LIMS1: variants seen among roughly 807,000 people sequenced by gnomAD.
The protein encoded by LIMS1 is LIM zinc finger domain containing 1.
LIMS1 carries 18 observed loss-of-function variants against 44.1 expected under a neutral mutation model. The ratio of observed to expected loss-of-function variants is 0.41; its 90% confidence interval spans 0.28 to 0.61. The LOEUF (loss-of-function observed/expected upper bound fraction) is 0.61. Ranked by LOEUF, LIMS1 falls within the 20% of genes least tolerant of loss-of-function variation. The pLI is 0.32. For synonymous variants in LIMS1, 93 were observed against 149.1 expected, an observed-to-expected ratio of 0.62 and a Z score of 2.74; for missense variants, 201 against 422.0, an observed-to-expected ratio of 0.48 and a Z score of 4.59.
intron 1 of LIMS1, among the ~76,000 whole-genome samples, chr2:108,551,922 T>C (rs1022484828): frequency 2.8e-5 from 2 of 72,038 alleles, no homozygotes; most frequent in Non-Finnish European, 5.1e-5. Flanking sequence ...TGTGTATATG[T>C]GTATATATGT....
At chr2:108,650,268 T>G (rs964021200) in intron 1 of LIMS1, among the ~76,000 whole-genome samples, 9 of 152,196 alleles carry the variant, frequency 5.9e-5, no homozygotes, top group African/African-American at 1.9e-4. Context: ...AGCTATGGTG[T>G]TTATTCGGAA....
At chr2:108,635,402 TG>T (rs1185532774) in intron 1 of LIMS1, among the ~76,000 whole-genome samples, 8 of 113,276 alleles carry the variant, frequency 7.1e-5, no homozygotes, top group East Asian at 2.8e-4. Context: ...CACTCCAGCC[TG>T]GGGGGAAAGA....
intron 1 of LIMS1, among the ~76,000 whole-genome samples, chr2:108,540,544 A>G (rs151086088): frequency 6.6e-6 from 1 of 152,262 alleles, no homozygotes; most frequent in Non-Finnish European, 1.5e-5. Flanking sequence ...TCGTGGTAGT[A>G]TTTATATAGT....
At chr2:108,536,325 C>T (rs1684139927) in intron 1 of LIMS1, among the ~76,000 whole-genome samples, 1 of 152,184 alleles carries the variant, frequency 6.6e-6, no homozygotes. Flanking sequence ...TTCTCCATTC[C>T]CCTCCTCCCG....
intron 1 of LIMS1, among the ~76,000 whole-genome samples, chr2:108,596,031 A>G (rs1269578468): frequency 6.6e-6 from 1 of 152,158 alleles, no homozygotes; most frequent in African/African-American, 2.4e-5. Context: ...ATCTCCTAGT[A>G]TTCACTTGCA....
chr2:108,669,867 C>T (rs1416899541), intron 2 of LIMS1, among the ~76,000 whole-genome samples: 1 of 152,156 alleles, frequency 6.6e-6, no homozygotes, highest in Admixed American at 6.5e-5. Context: ...TTCACTATCA[C>T]TAAGATATGC....
At chr2:108,683,357 C>T (rs1038314741) in intron 9 of LIMS1, among the ~76,000 whole-genome samples, 1 of 151,862 alleles carries the variant, frequency 6.6e-6, no homozygotes, top group Non-Finnish European at 1.5e-5. Context: ...CTAGGCAATA[C>T]GACAGGACCC....
intron 1 of LIMS1, among the ~76,000 whole-genome samples, chr2:108,620,135 C>G (rs1688157962): frequency 1.3e-5 from 2 of 152,158 alleles, no homozygotes; most frequent in Admixed American, 1.3e-4. Context: ...GAACTAGCAT[C>G]TGTGTCCTAA....
intron 1 of LIMS1, among the ~76,000 whole-genome samples, chr2:108,554,073 A>G (rs1684844827): frequency 6.6e-6 from 1 of 152,162 alleles, no homozygotes. Context: ...GGGCCCTGGA[A>G]TTTCCGATCC....
chr2:108,558,318 C>T (rs550966753), intron 1 of LIMS1, among the ~76,000 whole-genome samples: 5 of 151,506 alleles, frequency 3.3e-5, no homozygotes, highest in African/African-American at 1.2e-4. Flanking sequence ...CGTGGGTTCA[C>T]GCCATTCTCC....
chr2:108,663,824 G>A (rs1287407941), intron 2 of LIMS1, among the ~76,000 whole-genome samples: 1 of 151,224 alleles, frequency 6.6e-6, no homozygotes, highest in East Asian at 2.0e-4. Context: ...GTGCGATCTT[G>A]GCTCACCGCA....
chr2:108,634,761 G>A (rs1689121043), intron 1 of LIMS1, among the ~76,000 whole-genome samples: 1 of 152,248 alleles, frequency 6.6e-6, no homozygotes, highest in South Asian at 2.1e-4. Context: ...TGACAGGAAA[G>A]CATGTGGAGC....
intron 1 of LIMS1, among the ~76,000 whole-genome samples, chr2:108,535,162 T>C (rs1430180499): frequency 6.6e-6 from 1 of 152,246 alleles, no homozygotes; most frequent in Non-Finnish European, 1.5e-5. Flanking sequence ...TCTGACTTAG[T>C]AGAGACAACT....
intron 1 of LIMS1, among the ~76,000 whole-genome samples, chr2:108,596,364 G>C (rs1042646010): frequency 6.6e-6 from 1 of 152,208 alleles, no homozygotes; most frequent in Non-Finnish European, 1.5e-5. Context: ...CCAGAGGGTG[G>C]CTCAGGAGTC....
At chr2:108,612,039 C>CATAT (rs879509502) in intron 1 of LIMS1, among the ~76,000 whole-genome samples, 4,525 of 125,458 alleles carry the variant, frequency 0.036, 177 homozygotes, top group South Asian at 0.1. Flanking sequence ...TACACACACA[C>CATAT]ACACACACAC....
At chr2:108,573,885 C>G (rs951457194) in intron 1 of LIMS1, among the ~76,000 whole-genome samples, 18 of 152,230 alleles carry the variant, frequency 1.2e-4, no homozygotes, top group African/African-American at 3.9e-4. Flanking sequence ...AGACTTGGAG[C>G]AGCAGAGGTG....
chr2:108,600,111 G>A (rs1444210840), intron 1 of LIMS1, among the ~76,000 whole-genome samples: 5 of 150,930 alleles, frequency 3.3e-5, no homozygotes, highest in African/African-American at 9.8e-5. Context: ...GTGCTGTGAC[G>A]CAATCTCTGC....
intron 1 of LIMS1, among the ~76,000 whole-genome samples, chr2:108,652,314 A>G (rs572515764): frequency 7.2e-5 from 11 of 152,420 alleles, no homozygotes; most frequent in Non-Finnish European, 7.3e-5. Flanking sequence ...CAGCGGGTGA[A>G]CAGTGAAACA....
intron 1 of LIMS1, among the ~76,000 whole-genome samples, chr2:108,555,526 C>T (rs907043523): frequency 6.6e-6 from 1 of 152,184 alleles, no homozygotes; most frequent in South Asian, 2.1e-4. Flanking sequence ...TGGAAGCATC[C>T]TAGTCTGCTT....
Sources: gnomAD v4.1 joint callset for allele counts (sites outside exome capture counted in the v4.1 genomes callset) on GRCh38, gnomAD v4.1.1 for gene constraint, MANE v1.5 for transcripts, NCBI Gene and HGNC (gene_info 2026-07-23, HGNC 2026-07-21) for gene names.